DCAF6: variants seen among roughly 807,000 people sequenced by gnomAD.
DCAF6 encodes DDB1 and CUL4 associated factor 6.
A neutral mutation model predicts 125.1 loss-of-function variants in DCAF6; 54 were observed. The ratio of observed to expected loss-of-function variants is 0.43; its 90% CI spans 0.35 to 0.54. The LOEUF is 0.54. Ranked by LOEUF, DCAF6 falls within the 20% of genes least tolerant of loss-of-function variation. The pLI is 0.01. For synonymous variants in DCAF6, 371 were observed against 390.4 expected (o/e 0.95, Z 0.58); for missense variants, 934 against 1,161.7 (o/e 0.80, Z 2.85).
At chr1:167,944,819 A>G (rs1672811955) in intron 1 of DCAF6, among the ~76,000 whole-genome samples, 1 of 151,914 alleles carries the variant, frequency 6.6e-6, no homozygotes, top group Non-Finnish European at 1.5e-5. Flanking sequence ...ATTGAGTCCC[A>G]TTTGTCTGTT....
chr1:167,954,434 ATTTTTAT>A (rs1360925157), intron 2 of DCAF6, among the ~76,000 whole-genome samples: 3 of 151,186 alleles, frequency 2.0e-5, no homozygotes, highest in Non-Finnish European at 4.4e-5. Context: ...TTGTGCTTAA[ATTTTTAT>A]TTTTTATTTT....
Position 168,016,107 on chromosome 1 carries a change from C to T in DCAF6, c.1549+156C>T, listed in dbSNP as rs77230007. Among the ~76,000 whole-genome samples the T allele has an allele frequency of 5.0e-3, 764 of 152,238 alleles. 5 individuals are homozygous for T. Among genetic ancestry groups the T allele is most frequent in the African/African-American group, 0.017 (715 of 41,544 alleles). ...TGCATATGGGTGGTATTCAACATCA[C>T]GTGTTAGGGGGACAGATTGGCAGCA... On this transcript the variant is annotated intron_variant, in intron 11 of 21. Coordinates refer to ENST00000367840, the MANE Select transcript of DCAF6 (RefSeq NM_001198956.2).
At chr1:167,956,785 CTT>C (rs1176039219) in intron 2 of DCAF6, among the ~76,000 whole-genome samples, 1 of 152,036 alleles carries the variant, frequency 6.6e-6, no homozygotes, top group Non-Finnish European at 1.5e-5. Flanking sequence ...GTTCAAAATA[CTT>C]TTTAATTTAT....
chr1:167,990,257 A>T (rs1680646544), intron 5 of DCAF6, among the ~76,000 whole-genome samples: 1 of 152,108 alleles, frequency 6.6e-6, no homozygotes, highest in Admixed American at 6.5e-5. Flanking sequence ...AGTCCTAGCC[A>T]CTTGAGAGGC....
At chr1:168,033,612 C>T (rs1345528184) in intron 12 of DCAF6, among the ~76,000 whole-genome samples, 3 of 152,102 alleles carry the variant, frequency 2.0e-5, no homozygotes, top group Non-Finnish European at 2.9e-5. Flanking sequence ...CCACCGCGCC[C>T]GGCCTGAAAA....
At chr1:167,905,170 T>C in the DCAF6 span, 2 of 1,613,846 alleles carry the variant, frequency 1.2e-6, no homozygotes, top group Non-Finnish European at 1.7e-6. Context: ...GATTTTATGG[T>C]GACAGGAAGC....
At chr1:168,074,225 A>G (rs1319673189) in intron 21 of DCAF6, among the ~76,000 whole-genome samples, 1 of 152,046 alleles carries the variant, frequency 6.6e-6, no homozygotes, top group Non-Finnish European at 1.5e-5. Flanking sequence ...CTGTTGACCT[A>G]GGATCCAGTG....
At chr1:167,966,869 C>T in intron 3 of DCAF6, 148 bp downstream of exon 3, 1 of 551,816 alleles carries the variant, frequency 1.8e-6, no homozygotes, top group Non-Finnish European at 3.2e-6. Context: ...TTTAGAGGTT[C>T]TTAGGTACAT....
intron 4 of DCAF6, among the ~76,000 whole-genome samples, chr1:167,982,273 C>T (rs890552483): frequency 1.3e-5 from 2 of 151,888 alleles, no homozygotes; most frequent in South Asian, 2.1e-4. Context: ...GACGGAGTCT[C>T]GCTTCATCGC....
intron 12 of DCAF6, among the ~76,000 whole-genome samples, chr1:168,028,793 TATC>T (rs1686677363): frequency 6.6e-6 from 1 of 152,178 alleles, no homozygotes; most frequent in Non-Finnish European, 1.5e-5. Context: ...TTAGTACTAT[TATC>T]TAATATTATT....
intron 5 of DCAF6, among the ~76,000 whole-genome samples, chr1:167,989,498 T>C (rs1680521407): frequency 6.6e-6 from 1 of 152,242 alleles, no homozygotes; most frequent in African/African-American, 2.4e-5. Context: ...CTTAGAATTA[T>C]GAAAGGCATT....
the DCAF6 span, among the ~76,000 whole-genome samples, chr1:167,894,735 T>C: frequency 7.9e-5 from 12 of 152,198 alleles, no homozygotes; most frequent in Non-Finnish European, 1.3e-4. Context: ...AGTGAATTAC[T>C]GAACCTGAGG....
intron 16 of DCAF6, among the ~76,000 whole-genome samples, chr1:168,046,669 G>T (rs559670023): frequency 6.6e-6 from 1 of 152,180 alleles, no homozygotes; most frequent in African/African-American, 2.4e-5. Flanking sequence ...TACCCAGAGG[G>T]AGTTCCTTAG....
the DCAF6 span, among the ~76,000 whole-genome samples, chr1:167,881,821 T>C: frequency 6.6e-6 from 1 of 152,214 alleles, no homozygotes; most frequent in African/African-American, 2.4e-5. Context: ...AAGACTGTTC[T>C]CTTAGATTCT....
chr1:167,888,758 C>A, the DCAF6 span, among the ~76,000 whole-genome samples: 1 of 151,722 alleles, frequency 6.6e-6, no homozygotes, highest in South Asian at 2.1e-4. Flanking sequence ...CGCCTGTGGT[C>A]CCAGCTACTC....
upstream of DCAF6, chr1:167,935,890 C>A: frequency 1.4e-6 from 2 of 1,411,804 alleles, no homozygotes; most frequent in East Asian, 2.5e-5. Context: ...GCTGTGTTCT[C>A]GTCCCTGGCT....
rs181575893 is a variant in DCAF6, at chr1:168,007,666, C to T, written c.1378+2873C>T. ...CTTGGTATCTATGATATCATATTTGCCTATTTACTCTTATTAATTCTGGTG... is the reference window on the plus strand; with the variant it reads ...CTTGGTATCTATGATATCATATTTGTCTATTTACTCTTATTAATTCTGGTG... On this transcript the variant is annotated intron_variant, in intron 10 of 21. Coordinates refer to ENST00000367840, the MANE Select transcript of DCAF6 (RefSeq NM_001198956.2). Among the ~76,000 whole-genome samples, 8 of 152,196 alleles carry T rather than the reference C, an allele frequency of 5.3e-5. No individual in the cohort carries two copies. In the East Asian group the frequency reaches 1.4e-3, roughly 26 times the overall value.
chr1:168,033,164 A>G (rs991880744), intron 12 of DCAF6, among the ~76,000 whole-genome samples: 4 of 152,190 alleles, frequency 2.6e-5, no homozygotes, highest in Non-Finnish European at 5.9e-5. Context: ...ATTCTTATGC[A>G]AAAGACTTGA....
intron 4 of DCAF6, among the ~76,000 whole-genome samples, chr1:167,980,866 C>G (rs1380383132): frequency 6.7e-6 from 1 of 148,780 alleles, no homozygotes; most frequent in Admixed American, 6.7e-5. Context: ...GTTGTTATAT[C>G]TAATAAATCA....
Sources: gnomAD v4.1 joint callset for allele counts (sites outside exome capture counted in the v4.1 genomes callset) on GRCh38, gnomAD v4.1.1 for gene constraint, MANE v1.5 for transcripts, NCBI Gene and HGNC (gene_info 2026-07-23, HGNC 2026-07-21) for gene names.